GRAMD1B: variants seen among roughly 807,000 people sequenced by gnomAD.
GRAMD1B encodes the protein GRAM domain containing 1B, also known as protein Aster-B.
A neutral mutation model predicts 99.7 loss-of-function variants in GRAMD1B; 37 were observed. That is an observed-to-expected ratio of 0.37 (90% CI 0.29 to 0.49). The LOEUF is 0.49. Ranked by LOEUF, GRAMD1B falls within the 20% of genes least tolerant of loss-of-function variation. The probability of loss-of-function intolerance (pLI) is 0.98; values close to 1 mark genes in which losing one functional copy is unlikely to be tolerated. For synonymous variants in GRAMD1B, 427 were observed against 387.6 expected (o/e 1.10, Z -1.19); for missense variants, 888 against 1,009.2 (o/e 0.88, Z 1.63).
intron 1 of GRAMD1B, among the ~76,000 whole-genome samples, chr11:123,438,370 C>G (rs562742257): frequency 6.6e-6 from 1 of 152,254 alleles, no homozygotes. Context: ...CAGCCCTCCC[C>G]TGCTTGAGAA....
intron 1 of GRAMD1B, among the ~76,000 whole-genome samples, chr11:123,471,127 G>A (rs1950996126): frequency 6.6e-6 from 1 of 152,174 alleles, no homozygotes; most frequent in Non-Finnish European, 1.5e-5. Flanking sequence ...ATCTCACAAA[G>A]AGATGAATTG....
chr11:123,609,425 G>A (rs1374295935), intron 12 of GRAMD1B, among the ~76,000 whole-genome samples: 4 of 152,114 alleles, frequency 2.6e-5, no homozygotes, highest in African/African-American at 4.8e-5. Context: ...GAGAGGGCAC[G>A]CTGAGGGCAC....
intron 1 of GRAMD1B, among the ~76,000 whole-genome samples, chr11:123,450,852 G>A (rs955633003): frequency 6.6e-6 from 1 of 152,164 alleles, no homozygotes; most frequent in African/African-American, 2.4e-5. Context: ...TTGCTCTTCT[G>A]GTGTTTGTGG....
Position 123,475,619 on chromosome 11 carries a change from T to C in GRAMD1B, c.375-5197T>C, listed in dbSNP as rs148371901. ...CCCTTCCTTGCAGTGTTAAGCCATCTTTCAGTCATCCGGTGCCCAGGCAAG... is the reference window on the plus strand; with the variant it reads ...CCCTTCCTTGCAGTGTTAAGCCATCCTTCAGTCATCCGGTGCCCAGGCAAG... On this transcript the variant is annotated intron_variant, in intron 1 of 19. Coordinates refer to ENST00000635736, the MANE Select transcript of GRAMD1B (RefSeq NM_001387025.1). Among the ~76,000 whole-genome samples, 463 of 152,362 alleles carry C rather than the reference T, an allele frequency of 3.0e-3. 2 individuals carry two copies. The highest frequency in any genetic ancestry group is 0.011 in the African/African-American group (441 of 41,586).
intron 16 of GRAMD1B, among the ~76,000 whole-genome samples, chr11:123,614,388 T>G (rs1447494548): frequency 1.3e-5 from 2 of 152,242 alleles, no homozygotes; most frequent in African/African-American, 4.8e-5. Flanking sequence ...TCCTCCATCA[T>G]GTAGCTTACT....
At chr11:123,392,135 G>C (rs1947304892) in intron 1 of GRAMD1B, among the ~76,000 whole-genome samples, 1 of 152,110 alleles carries the variant, frequency 6.6e-6, no homozygotes, top group Non-Finnish European at 1.5e-5. Context: ...AGTTAGGAAG[G>C]AGTGTGGTAC....
chr11:123,578,262 G>C, intron 3 of GRAMD1B: 1 of 645,040 alleles, frequency 1.6e-6, no homozygotes. Context: ...CTTCACCCTG[G>C]GACCCCCAGG....
chr11:123,409,197 T>A (rs555245366), intron 1 of GRAMD1B, among the ~76,000 whole-genome samples: 53 of 152,366 alleles, frequency 3.5e-4, no homozygotes, highest in Admixed American at 3.2e-3. Context: ...TATGGTAATT[T>A]GGAAGGAGCA....
intron 17 of GRAMD1B, among the ~76,000 whole-genome samples, chr11:123,617,607 C>T (rs137877122): frequency 6.6e-5 from 10 of 152,068 alleles, no homozygotes; most frequent in African/African-American, 9.7e-5. Context: ...ACAATATATT[C>T]CCTTTCATCT....
At chr11:123,423,625 A>G (rs1274286890) in intron 1 of GRAMD1B, among the ~76,000 whole-genome samples, 1 of 152,218 alleles carries the variant, frequency 6.6e-6, no homozygotes, top group Admixed American at 6.5e-5. Context: ...GAGGTCATCA[A>G]TGACCTAATT....
At chr11:123,596,611 G>C (rs1246379343) in intron 7 of GRAMD1B, among the ~76,000 whole-genome samples, 1 of 152,212 alleles carries the variant, frequency 6.6e-6, no homozygotes, top group Non-Finnish European at 1.5e-5. Context: ...TCTGCTGAAG[G>C]CCAAGTTTAC....
intron 7 of GRAMD1B, chr11:123,598,913 T>C: frequency 8.6e-7 from 1 of 1,167,666 alleles, no homozygotes; most frequent in South Asian, 1.2e-5. Context: ...TCTTATGCTC[T>C]GCATTCCTCC....
intron 1 of GRAMD1B, among the ~76,000 whole-genome samples, chr11:123,444,336 TTC>T (rs1949542156): frequency 6.6e-6 from 1 of 152,132 alleles, no homozygotes; most frequent in African/African-American, 2.4e-5. Flanking sequence ...CTCTTAAGAT[TTC>T]TGTTTTGGCC....
rs114112874 is a variant in GRAMD1B at position 123,394,916 on chromosome 11, A to G, written c.-176+36117A>G. Among the ~76,000 whole-genome samples the G allele has an allele frequency of 5.5e-3, 836 of 152,284 alleles. 8 individuals carry two copies. The highest frequency in any genetic ancestry group is 0.019 in the African/African-American group (795 of 41,554). On this transcript the variant is annotated intron_variant, in intron 1 of 20. Transcript: ENST00000638157. Reference sequence around the variant, plus strand: ...CTTGACAGAAGAGTGGAAGAGACAAAAAAGAGAACAAGAGAGGGCCAAACT... The same window carrying G: ...CTTGACAGAAGAGTGGAAGAGACAAGAAAGAGAACAAGAGAGGGCCAAACT...
intron 1 of GRAMD1B, among the ~76,000 whole-genome samples, chr11:123,446,333 T>C (rs1432475388): frequency 6.6e-6 from 1 of 151,838 alleles, no homozygotes. Context: ...GCCCGGCTAA[T>C]ATTTGTGTTT....
rs143190053 is a variant in GRAMD1B, at chr11:123,501,700, A to G, written c.452+20807A>G. On this transcript the variant is annotated intron_variant, in intron 2 of 19. Coordinates refer to ENST00000635736, the MANE Select transcript of GRAMD1B (RefSeq NM_001387025.1). ...GACAGAACAAGAAAAACAATTGACC[A>G]AGAGAGAATAGAGACCCCAATGCTT... is the stretch of plus-strand genomic sequence containing the variant. 1.0e-3 allele frequency among the ~76,000 whole-genome samples: 154 copies of G among 152,352 alleles called. 1 individual carries two copies. Among genetic ancestry groups the G allele is most frequent in the African/African-American group, 3.7e-3 (152 of 41,590 alleles).
chr11:123,428,224 C>A (rs1591504626), upstream of GRAMD1B, among the ~76,000 whole-genome samples: 1 of 152,306 alleles, frequency 6.6e-6, no homozygotes, highest in African/African-American at 2.4e-5. Flanking sequence ...GCAAAACACT[C>A]GTCCTTGGAG....
Position 123,489,894 on chromosome 11 carries a change from C to T in GRAMD1B, c.452+9001C>T, listed in dbSNP as rs751429328. Among the ~76,000 whole-genome samples, 13 of 152,262 alleles carry T rather than the reference C, an allele frequency of 8.5e-5. No homozygotes were observed. The South Asian group carries it at 1.0e-3, about 12-fold the overall frequency. On this transcript the variant is annotated intron_variant, in intron 2 of 19. Transcript: ENST00000635736. ...AACAGACTGATCAATTACGCACTAT[C>T]GGCCAAGTGTGATGGCTGGCGCCTG...
intron 1 of GRAMD1B, among the ~76,000 whole-genome samples, chr11:123,398,760 T>A (rs1947555890): frequency 6.6e-6 from 1 of 152,150 alleles, no homozygotes; most frequent in East Asian, 1.9e-4. Flanking sequence ...AAAAACAACT[T>A]TAGTGCGGTA....
Sources: allele counts gnomAD v4.1 joint callset (sites outside exome capture counted in the v4.1 genomes callset), GRCh38; gene constraint gnomAD v4.1.1; transcripts MANE v1.5; gene names NCBI Gene and HGNC (gene_info 2026-07-23, HGNC 2026-07-21).